The following IL23A variants were observed in gnomAD, a reference collection of about 807,000 sequenced individuals.
IL23A encodes the protein interleukin-23 subunit alpha.
In IL23A, 16 loss-of-function variants were observed where a neutral mutation model predicts 20.7. That is an observed-to-expected ratio of 0.77 (90% CI 0.52 to 1.17). The LOEUF is 1.17. IL23A is among the 50% of genes most tolerant of loss of function. The probability of loss-of-function intolerance (pLI) is 0.00; values close to 1 mark genes in which losing one functional copy is unlikely to be tolerated. For synonymous variants in IL23A, 80 were observed against 88.7 expected, an observed-to-expected ratio of 0.90 and a Z score of 0.55; for missense variants, 175 against 229.5, an observed-to-expected ratio of 0.76 and a Z score of 1.53.
chr12:56,339,802 C>CA lies in IL23A; in HGVS notation c.374dup (p.His125GlnfsTer14), dbSNP rs1446184266. On this transcript the variant is annotated frameshift_variant, in exon 3 of 4. Transcript: ENST00000228534. LOFTEE classifies it high-confidence loss of function. ...CCCTGATAGCCCTGTGGGCCAGCTTCATGCCTCCCTACTGGGCCTCAGCCA... is the reference window on the plus strand; with the variant it reads ...CCCTGATAGCCCTGTGGGCCAGCTTCAATGCCTCCCTACTGGGCCTCAGCCA... The CA allele has an allele frequency of 6.2e-7, 1 of 1,613,832 alleles. No individual in the cohort carries two copies. Among genetic ancestry groups the CA allele is most frequent in the Non-Finnish European group, 8.5e-7 (1 of 1,179,860 alleles).
rs774093079 is a variant in IL23A at position 56,339,228 on chromosome 12, C to T, written c.162+22C>T. 3.9e-6 allele frequency: 6 copies of T among 1,531,760 alleles called. No individual in the cohort carries two copies. The East Asian group carries it at 1.4e-4, about 35-fold the overall frequency. 94.9% of individuals were successfully genotyped at this position (1,531,760 alleles called of 1,614,324 possible). On this transcript the variant is annotated intron_variant, in intron 1 of 3. Coordinates refer to ENST00000228534, the MANE Select transcript of IL23A (RefSeq NM_016584.3). Reference sequence around the variant, plus strand: ...CATGGTGAGTGGCAGCCCCTGGAGCCTAACAGGAGTCCAGGCTCTCCAAGG... The same window carrying T: ...CATGGTGAGTGGCAGCCCCTGGAGCTTAACAGGAGTCCAGGCTCTCCAAGG...
Position 56,339,024 on chromosome 12 carries a change from AT to A in IL23A, c.-18del. 2 of 1,373,600 alleles carry A rather than the reference AT, an allele frequency of 1.5e-6. No homozygotes were observed. Among genetic ancestry groups the A allele is most frequent in the Non-Finnish European group, 9.5e-7 (1 of 1,053,674 alleles). The allele number at this position is 1,373,600 out of a possible 1,614,324, so 85.1% of individuals were successfully genotyped here. The stretch of plus-strand genomic sequence containing the variant: ...TGGTGCAAGGCGCAGAGCCAGCCAG[AT>A]TTGAGAAGAAGGCAAAAAGATGCTG... On this transcript the variant is annotated 5_prime_UTR_variant, in exon 1 of 4. Transcript: ENST00000228534.
Position 56,339,788 on chromosome 12 carries a change from C to T in IL23A, c.359C>T (p.Pro120Leu). Residue 120 changes from proline to leucine, a missense_variant, in exon 3 of 4, where the codon CCT becomes CTT. By Grantham distance (98) the Pro-to-Leu change is moderately conservative (BLOSUM62 -3). Coordinates refer to ENST00000228534, the MANE Select transcript of IL23A (RefSeq NM_016584.3). ...TGEPSLLPDSPVGQLHASLLG... is the reference protein window; with the variant it reads ...TGEPSLLPDSLVGQLHASLLG... ...GAGCCTTCTCTGCTCCCTGATAGCC[C>T]TGTGGGCCAGCTTCATGCCTCCCTA... 6.2e-7 allele frequency: 1 copy of T among 1,613,950 alleles called. No individual in the cohort carries two copies. Among genetic ancestry groups the T allele is most frequent in the African/African-American group, 1.3e-5 (1 of 75,010 alleles).
intron 2 of IL23A, 68 bp from the exon 3 acceptor site, chr12:56,339,623 C>T (rs925540536): frequency 1.2e-6 from 2 of 1,602,288 alleles, no homozygotes; most frequent in East Asian, 2.2e-5. Flanking sequence ...TAGTAAGAAA[C>T]TGGGTGAGTC....
rs1020985680 is a variant in IL23A at position 56,339,061 on chromosome 12, C to T, written c.17C>T (p.Ala6Val). Residue 6 changes from alanine to valine, a missense_variant, in exon 1 of 4, where the codon GCT (alanine) becomes GTT (valine). By Grantham distance (64) the Ala-to-Val change is moderately conservative. Transcript: ENST00000228534. ...GGCAAAAAGATGCTGGGGAGCAGAGCTGTAATGCTGCTGTTGCTGCTGCCC... is the reference window on the plus strand; with the variant it reads ...GGCAAAAAGATGCTGGGGAGCAGAGTTGTAATGCTGCTGTTGCTGCTGCCC... The part of the protein sequence containing the change: MLGSR[A>V]VMLLLLLPWT... 11 of 1,431,248 alleles carry T rather than the reference C, an allele frequency of 7.7e-6. No individual in the cohort carries two copies. The East Asian group carries it at 2.7e-4, about 35-fold the overall frequency. 88.7% of individuals were successfully genotyped at this position (1,431,248 alleles called of 1,614,324 possible). A position where few individuals can be genotyped will look rare whatever the true frequency, so the allele number is the denominator to read the frequency against.
intron 1 of IL23A, 62 bp downstream of exon 1, chr12:56,339,268 C>G (rs1385655890): frequency 4.0e-6 from 6 of 1,513,960 alleles, no homozygotes; most frequent in African/African-American, 1.4e-5. Context: ...GGCAGAAGAC[C>G]GTGACCTTGA....
intron 1 of IL23A, 59 bp downstream of exon 1, chr12:56,339,265 G>A: frequency 6.6e-7 from 1 of 1,518,302 alleles, no homozygotes; most frequent in Non-Finnish European, 8.9e-7. Flanking sequence ...TGTGGCAGAA[G>A]ACCGTGACCT....
intron 2 of IL23A, 77 bp from the exon 3 acceptor site, chr12:56,339,614 A>G (rs1038000570): frequency 6.2e-7 from 1 of 1,601,446 alleles, no homozygotes; most frequent in Non-Finnish European, 8.5e-7. Context: ...GTCTGAAAAT[A>G]GTAAGAAACT....
Position 56,338,992 on chromosome 12 carries a change from C to T in IL23A, c.-53C>T. ...CAAGTGGAAGTGGGCAGAGATTCCA[C>T]CAGGACTGGTGCAAGGCGCAGAGCC... On this transcript the variant is annotated 5_prime_UTR_variant, in exon 1 of 4. Transcript: ENST00000228534. 2 of 1,325,924 alleles carry T rather than the reference C, an allele frequency of 1.5e-6. No individual in the cohort carries two copies. The highest frequency in any genetic ancestry group is 1.5e-5 in the African/African-American group (1 of 67,146). The allele number at this position is 1,325,924 out of a possible 1,614,324, so 82.1% of individuals were successfully genotyped here. A position where few individuals can be genotyped will look rare whatever the true frequency, so the allele number is the denominator to read the frequency against.
chr12:56,339,886 G>T, intron 3 of IL23A, 49 bp downstream of exon 3: 1 of 1,610,030 alleles, frequency 6.2e-7, no homozygotes, highest in South Asian at 1.1e-5. Context: ...GTCAGAGACA[G>T]AGGGTTGGGG....
At position 56,338,975 on chromosome 12, in the gene IL23A, A is replaced by C. The variant is rs983193650; in HGVS notation, c.-70A>C. 2.4e-6 allele frequency: 3 copies of C among 1,256,114 alleles called. No homozygotes were observed. Among genetic ancestry groups the C allele is most frequent in the East Asian group, 2.7e-5 (1 of 36,368 alleles). The allele number at this position is 1,256,114 out of a possible 1,614,324, so 77.8% of individuals were successfully genotyped here. ...GAGAATCAGGCTCAAAGCAAGTGGA[A>C]GTGGGCAGAGATTCCACCAGGACTG... On this transcript the variant is annotated 5_prime_UTR_variant, in exon 1 of 4. Transcript: ENST00000228534.
chr12:56,339,261 A>G, intron 1 of IL23A, 55 bp downstream of exon 1: 1 of 1,525,082 alleles, frequency 6.6e-7, no homozygotes, highest in Non-Finnish European at 8.9e-7. Context: ...AGGCTGTGGC[A>G]GAAGACCGTG....
rs201710057 is a variant in IL23A at position 56,339,411 on chromosome 12, C to T, written c.163-15C>T. On this transcript the variant is annotated splice_polypyrimidine_tract_variant and intron_variant, in intron 1 of 3. Coordinates refer to ENST00000228534, the MANE Select transcript of IL23A (RefSeq NM_016584.3). Reference sequence around the variant, plus strand: ...TCTTACTTCTTCATTCTTTCCACCTCTTCCTTCATTCCAGGATCTAAGAGA... The same window carrying T: ...TCTTACTTCTTCATTCTTTCCACCTTTTCCTTCATTCCAGGATCTAAGAGA... The T allele has an allele frequency of 2.5e-6, 4 of 1,573,928 alleles. No homozygotes were observed. The highest frequency in any genetic ancestry group is 3.3e-4 in the Middle Eastern group (2 of 5,980).
downstream of IL23A, chr12:56,340,410 A>AT (rs1291087166): frequency 7.6e-6 from 2 of 264,110 alleles, no homozygotes; most frequent in African/African-American, 4.5e-5. Context: ...TTTTGTGGCT[A>AT]TATGAGTCTA....
At position 56,338,914 on chromosome 12, in the gene IL23A, A is replaced by C. The variant is rs558475931; in HGVS notation, c.-131A>C. The C allele has an allele frequency of 1.5e-6, 1 of 657,572 alleles. No individual in the cohort carries two copies. The highest frequency in any genetic ancestry group is 3.3e-5 in the East Asian group (1 of 30,008). The allele number at this position is 657,572 out of a possible 1,614,324, so 40.7% of individuals were successfully genotyped here. ...GAAGCAGCTTACAAACTCGGTGAAC[A>C]ACTGAGGGAACCAAACCAGAGACGC... On this transcript the variant is annotated 5_prime_UTR_variant, in exon 1 of 4. Coordinates refer to ENST00000228534, the MANE Select transcript of IL23A (RefSeq NM_016584.3).
At position 56,339,406 on chromosome 12, in the gene IL23A, C is replaced by T. The variant is rs750410589; in HGVS notation, c.163-20C>T. On this transcript the variant is annotated intron_variant, in intron 1 of 3. Transcript: ENST00000228534. The stretch of plus-strand genomic sequence containing the variant: ...TACTATCTTACTTCTTCATTCTTTC[C>T]ACCTCTTCCTTCATTCCAGGATCTA... 1.3e-6 allele frequency: 2 copies of T among 1,553,130 alleles called. No individual in the cohort carries two copies. The highest frequency in any genetic ancestry group is 8.9e-7 in the Non-Finnish European group (1 of 1,124,792).
chr12:56,340,399 T>C lies in IL23A; in HGVS notation c.*295T>C, dbSNP rs1876458794. The C allele has an allele frequency of 3.4e-6, 1 of 289,968 alleles. No homozygotes were observed. The highest frequency in any genetic ancestry group is 7.0e-5 in the South Asian group (1 of 14,264). The allele number at this position is 289,968 out of a possible 1,614,324, so 18.0% of individuals were successfully genotyped here. ...ATGTACTTTTTTCAATAAAGTCTTA[T>C]TTTTGTGGCTATATGAGTCTAATTT... is the stretch of plus-strand genomic sequence containing the variant. On this transcript the variant is annotated 3_prime_UTR_variant, in exon 4 of 4. Coordinates refer to ENST00000228534, the MANE Select transcript of IL23A (RefSeq NM_016584.3).
chr12:56,339,111 C>T lies in IL23A; in HGVS notation c.67C>T (p.Pro23Ser), dbSNP rs1305275384. 2 of 1,576,424 alleles carry T rather than the reference C, an allele frequency of 1.3e-6. No homozygotes were observed. Among genetic ancestry groups the T allele is most frequent in the Non-Finnish European group, 8.6e-7 (1 of 1,157,238 alleles). ...LPWTAQGRAV[P>S]GGSSPAWTQC... ...CTGGACAGCTCAGGGCAGAGCTGTG[C>T]CTGGGGGCAGCAGCCCTGCCTGGAC... The change falls in exon 1 of 4, where the codon CCT becomes TCT. Residue 23 changes from proline (P) to serine (S), a missense_variant. Pro to Ser is a moderately conservative substitution (Grantham distance 74). Transcript: ENST00000228534.
At chr12:56,339,308 G>A in intron 1 of IL23A, 102 bp downstream of exon 1, 1 of 1,407,880 alleles carries the variant, frequency 7.1e-7, no homozygotes, top group Non-Finnish European at 9.8e-7. Flanking sequence ...AGGCCATTAG[G>A]GAGTAAGAGA....
Sources: gnomAD v4.1 joint callset for allele counts on GRCh38, gnomAD v4.1.1 for gene constraint, MANE v1.5 for transcripts, NCBI Gene and HGNC (gene_info 2026-07-23, HGNC 2026-07-21) for gene names.